MEGF6: variants seen among roughly 807,000 people sequenced by gnomAD.
MEGF6 encodes the protein multiple EGF like domains 6.
Under a neutral mutation model 207.1 loss-of-function variants are expected in MEGF6, and 184 were observed. The ratio of observed to expected loss-of-function variants is 0.89; its 90% CI spans 0.79 to 1.00. MEGF6 has a LOEUF of 1.00. Ranked by LOEUF, MEGF6 falls within the 50% of genes least tolerant of loss-of-function variation. The pLI is 0.00. For missense variants in MEGF6, 2,282 were observed against 2,202.9 expected, an observed-to-expected ratio of 1.04 and a Z score of -0.72; for synonymous variants, 1,038 against 910.0, an observed-to-expected ratio of 1.14 and a Z score of -2.53.
intron 4 of MEGF6, among the ~76,000 whole-genome samples, chr1:3,567,926 C>A (rs1487332729): frequency 6.6e-6 from 1 of 152,168 alleles, no homozygotes; most frequent in Non-Finnish European, 1.5e-5. Flanking sequence ...GCCTCGGGCT[C>A]CCCCAGGCTG....
chr1:3,551,241 A>T (rs1642875098), intron 4 of MEGF6, among the ~76,000 whole-genome samples: 1 of 152,182 alleles, frequency 6.6e-6, no homozygotes, highest in Non-Finnish European at 1.5e-5. Flanking sequence ...CTAGGATCAC[A>T]CCTGGGGATG....
At chr1:3,572,594 TCC>T in intron 4 of MEGF6, among the ~76,000 whole-genome samples, 1 of 148,586 alleles carries the variant, frequency 6.7e-6, no homozygotes, top group East Asian at 2.1e-4. Flanking sequence ...TGATGGGTTC[TCC>T]TGAGTATGCT....
At chr1:3,576,944 G>A (rs1052076621) in intron 4 of MEGF6, among the ~76,000 whole-genome samples, 1 of 134,384 alleles carries the variant, frequency 7.4e-6, no homozygotes, top group Non-Finnish European at 1.6e-5. Flanking sequence ...TGCACACCTG[G>A]CCCTGCACAT....
chr1:3,531,360 G>T (rs973054671), intron 4 of MEGF6: 3 of 1,187,696 alleles, frequency 2.5e-6, no homozygotes, highest in Admixed American at 4.5e-5. Flanking sequence ...GGGCGGGCGC[G>T]CAATCCCAGC....
rs1640252100 is a variant in MEGF6 at position 3,489,149 on chromosome 1, G to GC, written c.*1378dup. Among the ~76,000 whole-genome samples, 1 of 152,150 alleles carries GC rather than the reference G, an allele frequency of 6.6e-6. No homozygotes were observed. The highest frequency in any genetic ancestry group is 6.5e-5 in the Admixed American group (1 of 15,276). ...GCTGCTTCTGCATCCCCACCATCCT[G>GC]CCCTCCCTTATCACTGTTCTACTTT... On this transcript the variant is annotated 3_prime_UTR_variant, in exon 37 of 37. Transcript: ENST00000356575.
chr1:3,559,417 G>A (rs1454393932), intron 4 of MEGF6, among the ~76,000 whole-genome samples: 1 of 151,416 alleles, frequency 6.6e-6, no homozygotes, highest in African/African-American at 2.4e-5. Flanking sequence ...AGTGCTTTGG[G>A]AGGCTGAGAC....
upstream of MEGF6, among the ~76,000 whole-genome samples, chr1:3,615,643 C>A (rs1024255697): frequency 6.6e-6 from 1 of 152,242 alleles, no homozygotes; most frequent in Non-Finnish European, 1.5e-5. Flanking sequence ...CTATATTAGA[C>A]CCCAAATGTA....
intron 3 of MEGF6, among the ~76,000 whole-genome samples, chr1:3,589,906 A>G (rs924171470): frequency 3.3e-5 from 5 of 152,248 alleles, no homozygotes; most frequent in Admixed American, 1.3e-4. Context: ...GCACATTCGC[A>G]TATTAAAGGC....
At chr1:3,547,169 C>T (rs1642743393) in intron 4 of MEGF6, 1 of 152,920 alleles carries the variant, frequency 6.5e-6, no homozygotes. Flanking sequence ...CGGCCACCTC[C>T]TCCCTCCAGC....
chr1:3,524,372 G>T, intron 4 of MEGF6, 126 bp from the exon 5 acceptor site: 1 of 1,242,780 alleles, frequency 8.0e-7, no homozygotes, highest in Non-Finnish European at 1.1e-6. Context: ...CCACCCATGA[G>T]CCCCTCACCC....
At chr1:3,514,792 G>GC in intron 6 of MEGF6, 120 bp from the exon 7 acceptor site, 1 of 1,174,018 alleles carries the variant, frequency 8.5e-7, no homozygotes, top group Non-Finnish European at 1.2e-6. Context: ...TGTGCTCCAG[G>GC]CTGATGGGCT....
At chr1:3,493,633 G>A in intron 34 of MEGF6, 138 bp downstream of exon 34, 1 of 1,225,190 alleles carries the variant, frequency 8.2e-7, no homozygotes, top group Middle Eastern at 2.2e-4. Context: ...CCCCCCAGGG[G>A]GCACAGTCCA....
Position 3,602,587 on chromosome 1 carries a change from C to T in MEGF6, c.145G>A (p.Ala49Thr). Residue 49 changes from alanine (A) to threonine (T), a missense_variant, in exon 2 of 37, where the codon GCT becomes ACT. Coordinates refer to ENST00000356575, the MANE Select transcript of MEGF6 (RefSeq NM_001409.4). ...CCCACCAGGGTCAGCTCCTGCTCAGCACACACGTGGGGCCTGGAACAGAGA... is the reference window on the plus strand; with the variant it reads ...CCCACCAGGGTCAGCTCCTGCTCAGTACACACGTGGGGCCTGGAACAGAGA... The part of the protein sequence containing the change: ...PLQPGMPHVC[A>T]EQELTLVGRR... The T allele has an allele frequency of 6.2e-7, 1 of 1,610,542 alleles. No individual in the cohort carries two copies. The highest frequency in any genetic ancestry group is 8.5e-7 in the Non-Finnish European group (1 of 1,178,464).
At chr1:3,588,877 C>G (rs1643935078) in intron 3 of MEGF6, among the ~76,000 whole-genome samples, 1 of 152,142 alleles carries the variant, frequency 6.6e-6, no homozygotes, top group Non-Finnish European at 1.5e-5. Flanking sequence ...CTCTGCCCTG[C>G]ACGGCAGGCC....
At chr1:3,605,194 CCACA>C (rs565987339) in intron 1 of MEGF6, among the ~76,000 whole-genome samples, 5 of 151,192 alleles carry the variant, frequency 3.3e-5, no homozygotes, top group African/African-American at 7.3e-5. Context: ...TCACACACAC[CCACA>C]CACACAGTCA....
intron 30 of MEGF6, 110 bp downstream of exon 30, chr1:3,495,780 C>T (rs1640572322): frequency 7.3e-7 from 1 of 1,375,042 alleles, no homozygotes; most frequent in African/African-American, 1.5e-5. Flanking sequence ...TGGTGGCAGC[C>T]AGGATGTGCG....
intron 35 of MEGF6, among the ~76,000 whole-genome samples, chr1:3,492,047 A>G (rs1640394998): frequency 6.6e-6 from 1 of 151,968 alleles, no homozygotes; most frequent in South Asian, 2.1e-4. Flanking sequence ...ACTGGCACGC[A>G]CAGGTGCCTG....
intron 5 of MEGF6, among the ~76,000 whole-genome samples, chr1:3,517,631 G>A (rs1355538552): frequency 1.3e-5 from 2 of 152,184 alleles, no homozygotes; most frequent in Non-Finnish European, 2.9e-5. Context: ...AGACCCCTCG[G>A]GACACTGAGA....
At chr1:3,595,668 G>A (rs1014021389) in intron 2 of MEGF6, among the ~76,000 whole-genome samples, 2 of 152,188 alleles carry the variant, frequency 1.3e-5, no homozygotes, top group Non-Finnish European at 2.9e-5. Context: ...TGGAGCCAGC[G>A]ACAGTGGCCT....
Sources: allele counts gnomAD v4.1 joint callset (sites outside exome capture counted in the v4.1 genomes callset), GRCh38; gene constraint gnomAD v4.1.1; transcripts MANE v1.5; gene names NCBI Gene and HGNC (gene_info 2026-07-23, HGNC 2026-07-21).